The following ZFYVE28 variants were observed in gnomAD, a reference collection of about 807,000 sequenced individuals.
The protein encoded by ZFYVE28 is lateral signaling target protein 2 homolog.
Under a neutral mutation model 82.1 loss-of-function variants are expected in ZFYVE28, and 40 were observed. That is an observed-to-expected ratio of 0.49 (90% CI 0.38 to 0.63). The LOEUF (loss-of-function observed/expected upper bound fraction) is 0.63. Among genes scored for constraint, ZFYVE28 ranks in the 30% least tolerant of loss-of-function variants. ZFYVE28 has a pLI of 0.00. For synonymous variants in ZFYVE28, 612 were observed against 546.1 expected (o/e 1.12, Z -1.68); for missense variants, 1,321 against 1,242.1 (o/e 1.06, Z -0.96).
chr4:2,315,893 GA>G (rs1216967817), intron 7 of ZFYVE28, among the ~76,000 whole-genome samples: 1 of 151,888 alleles, frequency 6.6e-6, no homozygotes, highest in African/African-American at 2.4e-5. Context: ...CTCTTTCTGG[GA>G]TTCCAATTAT....
chr4:2,399,876 C>G, intron 1 of ZFYVE28, among the ~76,000 whole-genome samples: 1 of 152,368 alleles, frequency 6.6e-6, no homozygotes, highest in African/African-American at 2.4e-5. Flanking sequence ...CCCTGTCACC[C>G]ACGTCAAAGC....
rs1453892779 is a variant in ZFYVE28 at position 2,409,469 on chromosome 4, C to A, written c.39+8816G>T. Among the ~76,000 whole-genome samples, 1 of 152,176 alleles carries A rather than the reference C, an allele frequency of 6.6e-6. No individual in the cohort carries two copies. The highest frequency in any genetic ancestry group is 1.5e-5 in the Non-Finnish European group (1 of 68,020). ...CCAACCCCATCTGCAGCGACCCCAC[C>A]TTGTCCCCTGTGCTCCAAGTGCACC... On this transcript the variant is annotated intron_variant, in intron 1 of 12. Coordinates refer to ENST00000290974, the MANE Select transcript of ZFYVE28 (RefSeq NM_020972.3). The surrounding 1 kb of genome is among the most constrained non-coding windows in gnomAD (Gnocchi z 4.4).
At chr4:2,353,093 C>T (rs1380007870) in intron 2 of ZFYVE28, among the ~76,000 whole-genome samples, 1 of 152,244 alleles carries the variant, frequency 6.6e-6, no homozygotes, top group Non-Finnish European at 1.5e-5. Context: ...GTGGAGGCTG[C>T]CACTGAACAG....
intron 2 of ZFYVE28, among the ~76,000 whole-genome samples, chr4:2,346,099 C>A (rs930117787): frequency 6.7e-6 from 1 of 148,194 alleles, no homozygotes; most frequent in Non-Finnish European, 1.5e-5. Flanking sequence ...GAGGCCAGGG[C>A]GGGTGGATCA....
intron 4 of ZFYVE28, among the ~76,000 whole-genome samples, chr4:2,337,796 AGGAG>A (rs1722086616): frequency 6.6e-6 from 1 of 152,160 alleles, no homozygotes; most frequent in Non-Finnish European, 1.5e-5. Context: ...ACTTGTGCCC[AGGAG>A]TTGGAGGCTG....
intron 1 of ZFYVE28, among the ~76,000 whole-genome samples, chr4:2,398,406 T>C (rs3128787): frequency 0.85 from 129,336 of 152,194 alleles, 55,114 homozygotes; most frequent in Admixed American, 0.9. Flanking sequence ...GCTCGAGAGA[T>C]GGCAGCCAAG....
intron 8 of ZFYVE28, among the ~76,000 whole-genome samples, chr4:2,291,031 C>G (rs750052601): frequency 3.3e-5 from 5 of 152,248 alleles, no homozygotes; most frequent in Non-Finnish European, 7.3e-5. Context: ...CGAAGAGTGC[C>G]TGCACGTGTG....
At chr4:2,305,610 A>G in intron 7 of ZFYVE28, 74 bp from the exon 8 acceptor site, 1 of 1,548,164 alleles carries the variant, frequency 6.5e-7, no homozygotes, top group Admixed American at 1.9e-5. Context: ...GAGTGGACGC[A>G]GCACCCTGGA....
intron 1 of ZFYVE28, among the ~76,000 whole-genome samples, chr4:2,357,945 G>T (rs539910146): frequency 6.6e-6 from 1 of 152,236 alleles, no homozygotes; most frequent in African/African-American, 2.4e-5. Context: ...CTTGGTAAGC[G>T]GAGGAGACGG....
intron 2 of ZFYVE28, among the ~76,000 whole-genome samples, chr4:2,344,400 G>A (rs530228717): frequency 6.6e-6 from 1 of 152,320 alleles, no homozygotes; most frequent in African/African-American, 2.4e-5. Context: ...GTACCCAAAA[G>A]TGTTCTGCCT....
At chr4:2,399,040 T>TCCAGGGCACAAGCGTGGAGGTGAGAC (rs1560338684) in intron 1 of ZFYVE28, among the ~76,000 whole-genome samples, 1 of 111,876 alleles carries the variant, frequency 8.9e-6, no homozygotes, top group African/African-American at 3.7e-5. Context: ...TGGGGTGAGA[T>TCCAGGGCACAAGCGTGGAGGTGAGAC]CCAGGGCACA....
Position 2,341,423 on chromosome 4 carries a change from T to G in ZFYVE28, c.318+55A>C, listed in dbSNP as rs3118613. On this transcript the variant is annotated intron_variant, in intron 3 of 12. Transcript: ENST00000290974. The surrounding 1 kb of genome is among the most constrained non-coding windows in gnomAD (Gnocchi z 4.5). Reference sequence around the variant, plus strand: ...GCCCATGCACAAGGTTCGCAGGGACTTGGCTAGACGCCACCCCACATCAGG... The same window carrying G: ...GCCCATGCACAAGGTTCGCAGGGACGTGGCTAGACGCCACCCCACATCAGG... The G allele has an allele frequency of 1.1e-5, 18 of 1,601,326 alleles. No individual in the cohort carries two copies. In the East Asian group the frequency reaches 1.8e-4, roughly 16 times the overall value.
chr4:2,386,883 A>G (rs1729311384), intron 1 of ZFYVE28, among the ~76,000 whole-genome samples: 1 of 152,270 alleles, frequency 6.6e-6, no homozygotes, highest in African/African-American at 2.4e-5. Flanking sequence ...GTGCCAGCCA[A>G]GCTCGCTGCC....
At chr4:2,350,527 T>C (rs1724258458) in intron 2 of ZFYVE28, among the ~76,000 whole-genome samples, 1 of 152,092 alleles carries the variant, frequency 6.6e-6, no homozygotes, top group Non-Finnish European at 1.5e-5. Context: ...CATCTTCCCA[T>C]TTCCTGACAT....
chr4:2,412,263 T>C (rs1334361502), intron 1 of ZFYVE28, among the ~76,000 whole-genome samples: 2 of 152,144 alleles, frequency 1.3e-5, no homozygotes, highest in Non-Finnish European at 2.9e-5. Flanking sequence ...TGATGGCCTC[T>C]GAGACTCCAA....
intron 1 of ZFYVE28, among the ~76,000 whole-genome samples, chr4:2,360,891 G>C (rs530190465): frequency 2.0e-5 from 3 of 152,240 alleles, no homozygotes; most frequent in South Asian, 4.1e-4. Flanking sequence ...CACTGACAAA[G>C]CATCTCCCTT....
chr4:2,404,049 G>T (rs1374375712), intron 1 of ZFYVE28, among the ~76,000 whole-genome samples: 2 of 151,552 alleles, frequency 1.3e-5, no homozygotes, highest in Non-Finnish European at 2.9e-5. Context: ...GGCCGGGCAT[G>T]GTGGCTCACA....
rs188680958 is a variant in ZFYVE28 at position 2,317,539 on chromosome 4, T to C, written c.803+2631A>G. Among the ~76,000 whole-genome samples, 16 of 152,276 alleles carry C rather than the reference T, an allele frequency of 1.1e-4. No individual in the cohort carries two copies. The East Asian group carries it at 3.1e-3, about 29-fold the overall frequency. On this transcript the variant is annotated intron_variant, in intron 7 of 12. Transcript: ENST00000290974. ...ACCCCAAAGTCTGCAGGAGACCGAGTTCTGTCCTTCCAAGTTCCAGCTCAG... is the reference window on the plus strand; with the variant it reads ...ACCCCAAAGTCTGCAGGAGACCGAGCTCTGTCCTTCCAAGTTCCAGCTCAG...
intron 1 of ZFYVE28, among the ~76,000 whole-genome samples, chr4:2,355,232 A>AAAATGAT (rs1560269741): frequency 3.3e-5 from 1 of 30,718 alleles, no homozygotes; most frequent in South Asian, 1.0e-3. Context: ...ATATATATAT[A>AAAATGAT]TATATATATA....
Sources: gnomAD v4.1 joint callset for allele counts (sites outside exome capture counted in the v4.1 genomes callset) on GRCh38, gnomAD v4.1.1 for gene constraint, Gnocchi (gnomAD v3.1) non-coding constraint, MANE v1.5 for transcripts, NCBI Gene and HGNC (gene_info 2026-07-23, HGNC 2026-07-21) for gene names.